Variants in TACC2 observed in about 807,000 individuals in gnomAD.
TACC2 encodes transforming acidic coiled-coil containing protein 2.
A neutral mutation model predicts 227.3 loss-of-function variants in TACC2; 137 were observed. The observed-to-expected ratio is 0.60, with a 90% CI of 0.52 to 0.69. TACC2 has a LOEUF of 0.69. Among genes scored for constraint, TACC2 ranks in the 30% least tolerant of loss-of-function variants. TACC2 has a pLI of 0.00. For missense variants in TACC2, 3,470 were observed against 3,694.4 expected (o/e 0.94, Z 1.57); for synonymous variants, 1,523 against 1,487.5 (o/e 1.02, Z -0.55).
intron 5 of TACC2, among the ~76,000 whole-genome samples, chr10:122,117,816 A>G (rs2084976838): frequency 6.6e-6 from 1 of 152,114 alleles, no homozygotes; most frequent in Admixed American, 6.5e-5. Context: ...CTGTTCCCCC[A>G]GTGGGGCACA....
chr10:122,249,532 C>G lies in TACC2; in HGVS notation c.8661-12C>G, dbSNP rs1225937273. The G allele has an allele frequency of 6.2e-7, 1 of 1,612,790 alleles. No homozygotes were observed. Among genetic ancestry groups the G allele is most frequent in the Admixed American group, 1.7e-5 (1 of 59,944 alleles). On this transcript the variant is annotated splice_polypyrimidine_tract_variant and intron_variant, in intron 21 of 22. Coordinates refer to ENST00000369005, the MANE Select transcript of TACC2 (RefSeq NM_206862.4). ...CAAAAGAGTGATAATTCTGAGCTCC[C>G]TGTCTCCGCAGGGCCAATGCTGAGA...
At chr10:121,996,361 C>T (rs1424696919) in intron 1 of TACC2, among the ~76,000 whole-genome samples, 8 of 152,104 alleles carry the variant, frequency 5.3e-5, no homozygotes, top group African/African-American at 1.4e-4. Context: ...TAGCCTCCAG[C>T]CCCTTTTAAA....
At chr10:122,023,575 C>T (rs1426662320) in intron 2 of TACC2, 1 of 151,664 alleles carries the variant, frequency 6.6e-6, no homozygotes, top group African/African-American at 2.4e-5. Flanking sequence ...TATTCTCACT[C>T]ATAGGTGGGA....
At chr10:122,162,773 C>T (rs898537124) in intron 7 of TACC2, among the ~76,000 whole-genome samples, 2 of 152,150 alleles carry the variant, frequency 1.3e-5, no homozygotes, top group Admixed American at 6.5e-5. Context: ...TGGGGTGTCA[C>T]GGACATTCCT....
intron 1 of TACC2, among the ~76,000 whole-genome samples, chr10:122,007,649 C>T (rs1955345511): frequency 6.6e-6 from 1 of 152,294 alleles, no homozygotes; most frequent in African/African-American, 2.4e-5. Flanking sequence ...GGGTGAAGTT[C>T]AAGAACGTTT....
chr10:122,063,849 C>CAT (rs2077104977), intron 3 of TACC2, among the ~76,000 whole-genome samples: 1 of 151,240 alleles, frequency 6.6e-6, no homozygotes, highest in South Asian at 2.1e-4. Context: ...CACACACACA[C>CAT]ACACACACCC....
chr10:122,157,250 A>C (rs2092548860), intron 7 of TACC2, among the ~76,000 whole-genome samples: 1 of 152,178 alleles, frequency 6.6e-6, no homozygotes, highest in South Asian at 2.1e-4. Flanking sequence ...GTTACCATGG[A>C]AACTTGAGCG....
intron 5 of TACC2, among the ~76,000 whole-genome samples, chr10:122,107,504 G>A (rs575764441): frequency 2.0e-5 from 3 of 152,102 alleles, no homozygotes; most frequent in Non-Finnish European, 2.9e-5. Flanking sequence ...AAGGAGAATC[G>A]CTTGAACCTG....
intron 2 of TACC2, among the ~76,000 whole-genome samples, chr10:122,042,684 A>G (rs2074452246): frequency 6.6e-6 from 1 of 152,186 alleles, no homozygotes; most frequent in South Asian, 2.1e-4. Context: ...TCCTTTATTT[A>G]ACCTTCAGAA....
intron 8 of TACC2, among the ~76,000 whole-genome samples, chr10:122,201,738 G>A (rs1030445095): frequency 8.5e-5 from 13 of 152,282 alleles, no homozygotes; most frequent in African/African-American, 1.4e-4. Context: ...TTATCCTCCC[G>A]GGAAGACAGG....
chr10:122,227,818 T>C lies in TACC2; in HGVS notation c.7725-19T>C. On this transcript the variant is annotated intron_variant, in intron 13 of 22. Coordinates refer to ENST00000369005, the MANE Select transcript of TACC2 (RefSeq NM_206862.4). ...TCCCAATGAGAAGACTAAAGAAAGA[T>C]GCCCTTTGCTTCCCCCAGGTCAAGT... 6.3e-7 allele frequency: 1 copy of C among 1,599,428 alleles called. No individual in the cohort carries two copies. Among genetic ancestry groups the C allele is most frequent in the Non-Finnish European group, 8.5e-7 (1 of 1,171,090 alleles).
At chr10:122,198,716 C>T (rs969684415) in intron 8 of TACC2, among the ~76,000 whole-genome samples, 4 of 152,214 alleles carry the variant, frequency 2.6e-5, no homozygotes, top group Admixed American at 6.5e-5. Context: ...CTTCCAAGCC[C>T]GGCTCCCTTC....
intron 2 of TACC2, chr10:122,022,998 C>T (rs1438600489): frequency 2.0e-5 from 3 of 152,094 alleles, no homozygotes; most frequent in African/African-American, 7.2e-5. Context: ...AAAACTGGAT[C>T]TAAAAACCCA....
At chr10:122,212,699 A>C (rs1048809073) in intron 9 of TACC2, among the ~76,000 whole-genome samples, 2 of 152,140 alleles carry the variant, frequency 1.3e-5, no homozygotes, top group Non-Finnish European at 2.9e-5. Flanking sequence ...TCCCCCTAAC[A>C]TTGAATTTCT....
intron 7 of TACC2, among the ~76,000 whole-genome samples, chr10:122,155,833 AT>A (rs66559186): frequency 0.015 from 1,720 of 118,236 alleles, 15 homozygotes; most frequent in African/African-American, 0.041. Flanking sequence ...TAGTGGGAAA[AT>A]TTTTTTTTTT....
At chr10:122,024,104 A>G (rs939919018) in intron 2 of TACC2, among the ~76,000 whole-genome samples, 6 of 152,222 alleles carry the variant, frequency 3.9e-5, no homozygotes, top group African/African-American at 1.4e-4. Flanking sequence ...ACGGCGGCTC[A>G]TACCTCTAAT....
At chr10:122,061,153 CA>C (rs1049160128) in intron 3 of TACC2, among the ~76,000 whole-genome samples, 1 of 143,468 alleles carries the variant, frequency 7.0e-6, no homozygotes. Context: ...ACTAAAAATG[CA>C]AAAAAAATTA....
At position 122,087,960 on chromosome 10, in the gene TACC2, G is replaced by T. The variant is rs1433234819; in HGVS notation, c.5459+1G>T. On this transcript the variant is annotated splice_donor_variant, in intron 4 of 22. Coordinates refer to ENST00000369005, the MANE Select transcript of TACC2 (RefSeq NM_206862.4). LOFTEE classifies it high-confidence loss of function. ...CTCCAGAAGAGCTCCACACTGACAGGTACTTAAATGAAAAAATTCCCACGG... is the reference window on the plus strand; with the variant it reads ...CTCCAGAAGAGCTCCACACTGACAGTTACTTAAATGAAAAAATTCCCACGG... The T allele has an allele frequency of 2.7e-6, 4 of 1,496,810 alleles. No homozygotes were observed. Among genetic ancestry groups the T allele is most frequent in the Non-Finnish European group, 3.6e-6 (4 of 1,124,198 alleles). The allele number at this position is 1,496,810 out of a possible 1,614,324, so 92.7% of individuals were successfully genotyped here.
At chr10:122,078,322 T>G (rs2079067885) in intron 3 of TACC2, among the ~76,000 whole-genome samples, 1 of 151,744 alleles carries the variant, frequency 6.6e-6, no homozygotes, top group Non-Finnish European at 1.5e-5. Context: ...GAAAACCTGG[T>G]CGTGCAGGGG....
Sources: allele counts gnomAD v4.1 joint callset (sites outside exome capture counted in the v4.1 genomes callset), GRCh38; gene constraint gnomAD v4.1.1; transcripts MANE v1.5; gene names NCBI Gene and HGNC (gene_info 2026-07-23, HGNC 2026-07-21).